Variants in ITGA2 observed in about 807,000 individuals in gnomAD.
The protein encoded by ITGA2 is integrin subunit alpha 2.
A neutral mutation model predicts 146.3 loss-of-function variants in ITGA2; 101 were observed. The observed-to-expected ratio is 0.69, with a 90% CI of 0.59 to 0.81. The LOEUF is 0.81. ITGA2 is among the 40% of genes least tolerant of loss of function. The pLI, the probability that ITGA2 is intolerant of heterozygous loss-of-function variation, is 0.00. For missense variants in ITGA2, 1,281 were observed against 1,402.7 expected (o/e 0.91, Z 1.39); for synonymous variants, 477 against 487.1 (o/e 0.98, Z 0.27).
intron 1 of ITGA2, among the ~76,000 whole-genome samples, chr5:53,019,971 T>C (rs927366928): frequency 4.6e-5 from 7 of 152,206 alleles, no homozygotes; most frequent in Admixed American, 1.3e-4. Flanking sequence ...TTATTATAGG[T>C]ATGTATATAT....
At chr5:52,998,127 A>AT (rs201551037) in intron 1 of ITGA2, among the ~76,000 whole-genome samples, 86 of 151,884 alleles carry the variant, frequency 5.7e-4, no homozygotes, top group African/African-American at 1.7e-3. Flanking sequence ...TCATTTTATT[A>AT]TTTTTTTTGC....
At chr5:53,051,176 C>G (rs1744341953) in intron 6 of ITGA2, among the ~76,000 whole-genome samples, 1 of 152,136 alleles carries the variant, frequency 6.6e-6, no homozygotes, top group Non-Finnish European at 1.5e-5. Context: ...TCAAATCATA[C>G]ACTGTAGCAC....
rs1440502272 is a variant in ITGA2, at chr5:53,078,685, G to C, written c.2826-87G>C. On this transcript the variant is annotated intron_variant, in intron 23 of 29. Coordinates refer to ENST00000296585, the MANE Select transcript of ITGA2 (RefSeq NM_002203.4). ...AAAAGTAAAATTTACTTTAACCTAAGCTATAAGATACTTAAATAAAAGAAA... is the reference window on the plus strand; with the variant it reads ...AAAAGTAAAATTTACTTTAACCTAACCTATAAGATACTTAAATAAAAGAAA... 3.8e-6 allele frequency: 3 copies of C among 779,488 alleles called. No homozygotes were observed. The African/African-American group carries it at 5.2e-5, about 13-fold the overall frequency. The allele number at this position is 779,488 out of a possible 1,614,324, so 48.3% of individuals were successfully genotyped here.
At position 53,067,262 on chromosome 5, in the gene ITGA2, G is replaced by T. The variant is rs377091473; in HGVS notation, c.2083+5G>T. ...CTAAGCAAAACAATCAAGTGGGTGC[G>T]TAGATCTGAAATAATCTGTATAGAA... On this transcript the variant is annotated splice_donor_5th_base_variant and intron_variant, in intron 16 of 29. Coordinates refer to ENST00000296585, the MANE Select transcript of ITGA2 (RefSeq NM_002203.4). The T allele has an allele frequency of 6.2e-7, 1 of 1,610,980 alleles. No individual in the cohort carries two copies. Among genetic ancestry groups the T allele is most frequent in the Non-Finnish European group, 8.5e-7 (1 of 1,178,370 alleles).
chr5:53,015,038 A>G (rs1022085528), intron 1 of ITGA2, among the ~76,000 whole-genome samples: 20 of 152,128 alleles, frequency 1.3e-4, no homozygotes, highest in African/African-American at 4.1e-4. Context: ...ATTCTTCAAA[A>G]AAAAAGAACT....
chr5:53,004,105 C>T (rs750671094), intron 1 of ITGA2, among the ~76,000 whole-genome samples: 62 of 152,058 alleles, frequency 4.1e-4, no homozygotes, highest in Non-Finnish European at 7.9e-4. Flanking sequence ...ATGTTAATAG[C>T]AATACACTAC....
intron 1 of ITGA2, among the ~76,000 whole-genome samples, chr5:53,024,511 C>T (rs1227398323): frequency 2.0e-5 from 3 of 152,102 alleles, no homozygotes; most frequent in Non-Finnish European, 2.9e-5. Flanking sequence ...TTTGACTTCT[C>T]AAGGAGCTTA....
rs1257462276 is a variant in ITGA2, at chr5:53,065,950, G to T, written c.1916G>T (p.Gly639Val). 1.2e-6 allele frequency: 2 copies of T among 1,611,904 alleles called. No homozygotes were observed. The highest frequency in any genetic ancestry group is 1.7e-5 in the Admixed American group (1 of 59,806). The change falls in exon 15 of 30, where the codon GGT becomes GTT. Residue 639 changes from glycine to valine, a missense_variant. Gly to Val is a moderately radical substitution (Grantham distance 109). Transcript: ENST00000296585. The part of the protein sequence containing the change: ...NGDSITDVSI[G>V]AFGQVVQLWS... ...GATTCCATCACCGATGTGTCTATTG[G>T]TGCCTTTGGACAAGTGGTTCAACTC... is the stretch of plus-strand genomic sequence containing the variant.
chr5:53,074,336 C>A, intron 20 of ITGA2, 49 bp from the exon 21 acceptor site: 1 of 1,482,644 alleles, frequency 6.7e-7, no homozygotes, highest in Admixed American at 1.7e-5. Context: ...CATACACACA[C>A]AAATGTTGTA....
chr5:53,069,298 AT>A (rs950301574), intron 16 of ITGA2, among the ~76,000 whole-genome samples: 1 of 151,764 alleles, frequency 6.6e-6, no homozygotes, highest in Non-Finnish European at 1.5e-5. Context: ...TTATCACATA[AT>A]TTTTTTTCAT....
intron 1 of ITGA2, among the ~76,000 whole-genome samples, chr5:52,992,762 C>CT (rs1408536428): frequency 6.6e-6 from 1 of 152,146 alleles, no homozygotes; most frequent in African/African-American, 2.4e-5. Flanking sequence ...CCAATTACTG[C>CT]TTTGTTTCAA....
chr5:53,032,532 A>T (rs1743273905), intron 2 of ITGA2, among the ~76,000 whole-genome samples: 1 of 152,246 alleles, frequency 6.6e-6, no homozygotes, highest in Non-Finnish European at 1.5e-5. Context: ...TAATAAAGAT[A>T]GGGGAAGCTA....
At chr5:53,044,625 ACTGACCCAG>A (rs1743981179) in intron 3 of ITGA2, among the ~76,000 whole-genome samples, 1 of 151,870 alleles carries the variant, frequency 6.6e-6, no homozygotes, top group Non-Finnish European at 1.5e-5. Flanking sequence ...GGATATTTTT[ACTGACCCAG>A]AAAAAAAAAA....
intron 1 of ITGA2, among the ~76,000 whole-genome samples, chr5:53,016,130 G>A (rs1742390090): frequency 6.6e-6 from 1 of 152,174 alleles, no homozygotes; most frequent in Non-Finnish European, 1.5e-5. Flanking sequence ...CTATCATCAA[G>A]TTAGCTGATT....
intron 1 of ITGA2, among the ~76,000 whole-genome samples, chr5:53,003,130 G>T (rs1741671834): frequency 6.6e-6 from 1 of 152,050 alleles, no homozygotes; most frequent in African/African-American, 2.4e-5. Flanking sequence ...ACCCATTGGG[G>T]CTCCCTCTCA....
Position 53,093,957 on chromosome 5 carries a change from G to C in ITGA2, c.*3358G>C, listed in dbSNP as rs552507591. The C allele has an allele frequency of 1.7e-4, 25 of 142,988 alleles. No homozygotes were observed. Among genetic ancestry groups the C allele is most frequent in the African/African-American group, 2.6e-4 (10 of 37,812 alleles). 8.9% of individuals were successfully genotyped at this position (142,988 alleles called of 1,614,324 possible). ...CTAGCAATGTTATTCTTGTAAAATAGTTACCTATTAAAACTGTGAAGAGTA... is the reference window on the plus strand; with the variant it reads ...CTAGCAATGTTATTCTTGTAAAATACTTACCTATTAAAACTGTGAAGAGTA... On this transcript the variant is annotated 3_prime_UTR_variant, in exon 30 of 30. Transcript: ENST00000296585.
intron 2 of ITGA2, among the ~76,000 whole-genome samples, chr5:53,037,906 G>T (rs1472726124): frequency 4.6e-5 from 7 of 152,194 alleles, no homozygotes; most frequent in Admixed American, 2.6e-4. Context: ...GTATTTGCAT[G>T]TATCTTTTAG....
At chr5:52,993,141 T>A (rs1741058504) in intron 1 of ITGA2, among the ~76,000 whole-genome samples, 1 of 152,160 alleles carries the variant, frequency 6.6e-6, no homozygotes. Context: ...ACTTTTACTT[T>A]TGCAACAAAA....
intron 7 of ITGA2, among the ~76,000 whole-genome samples, chr5:53,054,478 T>G (rs756358395): frequency 6.6e-6 from 1 of 152,148 alleles, no homozygotes; most frequent in African/African-American, 2.4e-5. Flanking sequence ...ACTGCTAAGA[T>G]TTTATCCCAT....
Sources: allele counts gnomAD v4.1 joint callset (sites outside exome capture counted in the v4.1 genomes callset), GRCh38; gene constraint gnomAD v4.1.1; transcripts MANE v1.5; gene names NCBI Gene and HGNC (gene_info 2026-07-23, HGNC 2026-07-21).